The following RBMS3 variants were observed in gnomAD, a reference collection of about 807,000 sequenced individuals.
RBMS3 encodes RNA-binding motif, single-stranded-interacting protein 3.
Under a neutral mutation model 66.8 loss-of-function variants are expected in RBMS3, and 27 were observed. That is an observed-to-expected ratio of 0.40 (90% CI 0.30 to 0.56). The LOEUF is 0.56. RBMS3 is among the 20% of genes least tolerant of loss of function. The probability of loss-of-function intolerance (pLI) is 0.40; values close to 1 mark genes in which losing one functional copy is unlikely to be tolerated. For synonymous variants in RBMS3, 188 were observed against 183.0 expected, an observed-to-expected ratio of 1.03 and a Z score of -0.22; for missense variants, 513 against 549.5, an observed-to-expected ratio of 0.93 and a Z score of 0.66.
chr3:29,367,595 CAAAG>C (rs1241984533), intron 1 of RBMS3, among the ~76,000 whole-genome samples: 4 of 152,048 alleles, frequency 2.6e-5, no homozygotes, highest in African/African-American at 7.2e-5. Context: ...GCATAATACT[CAAAG>C]AATGTACTAT....
chr3:29,588,221 C>T (rs2047601487), intron 4 of RBMS3, among the ~76,000 whole-genome samples: 2 of 151,998 alleles, frequency 1.3e-5, no homozygotes, highest in South Asian at 2.1e-4. Flanking sequence ...CACCTGCATC[C>T]TAAGTCTTTA....
At chr3:29,306,544 A>G (rs1227687593) in intron 1 of RBMS3, among the ~76,000 whole-genome samples, 1 of 151,994 alleles carries the variant, frequency 6.6e-6, no homozygotes, top group African/African-American at 2.4e-5. Context: ...GTAATGTTGG[A>G]CAATAATAAG....
chr3:29,564,441 G>A (rs183546689), intron 3 of RBMS3, among the ~76,000 whole-genome samples: 19 of 150,992 alleles, frequency 1.3e-4, no homozygotes, highest in Admixed American at 4.0e-4. Context: ...AGCCGAGATC[G>A]TGCTATTGCG....
intron 1 of RBMS3, among the ~76,000 whole-genome samples, chr3:29,299,385 A>G (rs1307273377): frequency 1.3e-5 from 2 of 151,894 alleles, no homozygotes; most frequent in East Asian, 3.9e-4. Flanking sequence ...ATTTTGGGGT[A>G]GGGAGTGGTT....
At chr3:29,695,995 G>C (rs1241535765) in intron 4 of RBMS3, among the ~76,000 whole-genome samples, 1 of 152,168 alleles carries the variant, frequency 6.6e-6, no homozygotes, top group Non-Finnish European at 1.5e-5. Flanking sequence ...CCAAGACCAG[G>C]CTCTAGGATT....
intron 4 of RBMS3, among the ~76,000 whole-genome samples, chr3:29,687,717 A>G (rs529138705): frequency 1.4e-4 from 22 of 152,296 alleles, no homozygotes; most frequent in African/African-American, 5.3e-4. Context: ...AAAAATTTGG[A>G]CCCTTCAAAT....
At chr3:29,331,284 T>A (rs2035638807) in intron 1 of RBMS3, among the ~76,000 whole-genome samples, 2 of 152,196 alleles carry the variant, frequency 1.3e-5, no homozygotes, top group African/African-American at 2.4e-5. Flanking sequence ...GAGGACTGCC[T>A]TAGGACAGCT....
intron 3 of RBMS3, 60 bp downstream of exon 3, chr3:29,488,559 T>C: frequency 6.8e-7 from 1 of 1,463,710 alleles, no homozygotes; most frequent in Non-Finnish European, 9.5e-7. Context: ...TAATGGTTCT[T>C]CCATTGTGGA....
intron 1 of RBMS3, among the ~76,000 whole-genome samples, chr3:29,303,774 CG>C (rs1559473427): frequency 6.6e-6 from 1 of 151,786 alleles, no homozygotes; most frequent in Non-Finnish European, 1.5e-5. Flanking sequence ...CATATTAGTC[CG>C]TTTTCACACT....
At chr3:29,710,533 C>T (rs978010291) in intron 4 of RBMS3, among the ~76,000 whole-genome samples, 1 of 152,170 alleles carries the variant, frequency 6.6e-6, no homozygotes, top group Non-Finnish European at 1.5e-5. Context: ...CGGGGTCAGG[C>T]AGCCTGACTG....
chr3:29,641,056 A>G (rs1053149717), intron 4 of RBMS3: 1 of 152,054 alleles, frequency 6.6e-6, no homozygotes, highest in Non-Finnish European at 1.5e-5. Context: ...TTCAAGAAAA[A>G]TAACTAGGAA....
At chr3:29,876,916 G>C (rs1053202034) in intron 7 of RBMS3, among the ~76,000 whole-genome samples, 39 of 152,154 alleles carry the variant, frequency 2.6e-4, no homozygotes, top group African/African-American at 8.0e-4. Flanking sequence ...TAAGGTAACA[G>C]GATGCTGCTG....
chr3:29,944,337 A>G (rs1207683410), intron 12 of RBMS3, 83 bp downstream of exon 12: 2 of 1,229,928 alleles, frequency 1.6e-6, no homozygotes, highest in Non-Finnish European at 2.4e-6. Context: ...TCTTTAAAGC[A>G]GTGATTCTCA....
At chr3:29,644,855 C>T (rs2049858777) in intron 4 of RBMS3, among the ~76,000 whole-genome samples, 1 of 152,044 alleles carries the variant, frequency 6.6e-6, no homozygotes, top group Non-Finnish European at 1.5e-5. Flanking sequence ...AAAATGTTTA[C>T]CCAATAAAAA....
intron 1 of RBMS3, among the ~76,000 whole-genome samples, chr3:29,361,037 G>A (rs535444726): frequency 1.5e-4 from 23 of 152,088 alleles, no homozygotes; most frequent in African/African-American, 5.3e-4. Flanking sequence ...GGAGCACTTA[G>A]CCCATTTCCA....
intron 10 of RBMS3, among the ~76,000 whole-genome samples, chr3:29,915,855 A>G (rs892445452): frequency 6.6e-6 from 1 of 152,002 alleles, no homozygotes; most frequent in African/African-American, 2.4e-5. Flanking sequence ...GTAATTCTGC[A>G]TCTGGAAAAA....
At chr3:29,674,977 G>A (rs1004848134) in intron 4 of RBMS3, among the ~76,000 whole-genome samples, 1 of 152,146 alleles carries the variant, frequency 6.6e-6, no homozygotes, top group African/African-American at 2.4e-5. Flanking sequence ...CAAAGCTGGA[G>A]GCATCACGCT....
intron 6 of RBMS3, among the ~76,000 whole-genome samples, chr3:29,819,226 T>C (rs2058007430): frequency 6.6e-6 from 1 of 152,220 alleles, no homozygotes; most frequent in Non-Finnish European, 1.5e-5. Flanking sequence ...TAGCCGTGTA[T>C]TACAGAAGTC....
chr3:29,323,691 TACACACACACACAC>T (rs10565045), intron 1 of RBMS3, among the ~76,000 whole-genome samples: 4 of 144,378 alleles, frequency 2.8e-5, no homozygotes, highest in Non-Finnish European at 6.1e-5. Context: ...CACACACACA[TACACACACACACAC>T]ACACACACAC....
Sources: gnomAD v4.1 joint callset for allele counts (sites outside exome capture counted in the v4.1 genomes callset) on GRCh38, gnomAD v4.1.1 for gene constraint, MANE v1.5 for transcripts, NCBI Gene and HGNC (gene_info 2026-07-23, HGNC 2026-07-21) for gene names.